Variants in CRYL1 observed in about 807,000 individuals in gnomAD.
The protein encoded by CRYL1 is crystallin lambda 1, also known as lambda-crystallin homolog.
A neutral mutation model predicts 36.6 loss-of-function variants in CRYL1; 29 were observed. The ratio of observed to expected loss-of-function variants is 0.79; its 90% CI spans 0.59 to 1.08. The LOEUF is 1.08. CRYL1 is among the 50% of genes least tolerant of loss of function. CRYL1 has a pLI of 0.00. For synonymous variants in CRYL1, 152 were observed against 151.5 expected, an observed-to-expected ratio of 1.00 and a Z score of -0.02; for missense variants, 411 against 407.9, an observed-to-expected ratio of 1.01 and a Z score of -0.06.
chr13:20,412,550 T>A (rs2031551314), intron 6 of CRYL1, among the ~76,000 whole-genome samples: 1 of 152,214 alleles, frequency 6.6e-6, no homozygotes, highest in Non-Finnish European at 1.5e-5. Flanking sequence ...TTATACATAG[T>A]TTTAAAATTT....
At chr13:20,408,950 A>G (rs1290580568) in intron 6 of CRYL1, among the ~76,000 whole-genome samples, 1 of 152,212 alleles carries the variant, frequency 6.6e-6, no homozygotes, top group Non-Finnish European at 1.5e-5. Context: ...ATTCAATGCC[A>G]TCCCCATCAA....
In CRYL1 at chr13:20,403,917, A is replaced by T. The variant is rs1371136019; in HGVS notation, c.*212T>A. ...TGGCAGGAAATCGACAGCCCCGAGA[A>T]CGCAAGTGCTGCTGTGCCGCCAGGC... On this transcript the variant is annotated 3_prime_UTR_variant, in exon 8 of 8. Coordinates refer to ENST00000298248, the MANE Select transcript of CRYL1 (RefSeq NM_015974.3). 3 of 398,150 alleles carry T rather than the reference A, an allele frequency of 7.5e-6. No individual in the cohort carries two copies. The highest frequency in any genetic ancestry group is 1.3e-5 in the Non-Finnish European group (3 of 223,978). 24.7% of individuals were successfully genotyped at this position (398,150 alleles called of 1,614,324 possible).
intron 3 of CRYL1, among the ~76,000 whole-genome samples, chr13:20,485,235 T>C (rs2033372509): frequency 6.6e-6 from 1 of 151,888 alleles, no homozygotes; most frequent in African/African-American, 2.4e-5. Context: ...CCCAAGCTGG[T>C]CTTGAACTAC....
At chr13:20,456,656 A>AC (rs2032696462) in intron 3 of CRYL1, among the ~76,000 whole-genome samples, 1 of 142,814 alleles carries the variant, frequency 7.0e-6, no homozygotes, top group Non-Finnish European at 1.5e-5. Flanking sequence ...CGATTCTTAA[A>AC]ACACACACAC....
intron 5 of CRYL1, among the ~76,000 whole-genome samples, chr13:20,418,143 G>A (rs1375979884): frequency 1.3e-5 from 2 of 152,142 alleles, no homozygotes; most frequent in African/African-American, 4.8e-5. Flanking sequence ...AGCCCACCCA[G>A]ACTATGGAGA....
intron 5 of CRYL1, among the ~76,000 whole-genome samples, chr13:20,414,412 A>G (rs116433801): frequency 0.013 from 1,962 of 152,038 alleles, 37 homozygotes; most frequent in African/African-American, 0.044. Context: ...GAGTGAGAGA[A>G]GCTGACGACA....
At chr13:20,512,663 C>T (rs1352671788) in intron 1 of CRYL1, 113 bp from the exon 2 acceptor site, 9 of 677,110 alleles carry the variant, frequency 1.3e-5, no homozygotes, top group Non-Finnish European at 2.2e-5. Context: ...TTAAAATATT[C>T]AATACATATC....
chr13:20,447,787 A>T (rs1045196080), intron 3 of CRYL1, among the ~76,000 whole-genome samples: 2 of 152,200 alleles, frequency 1.3e-5, no homozygotes, highest in Non-Finnish European at 2.9e-5. Context: ...CAAACCTTAT[A>T]CCTTGCTCAA....
chr13:20,463,186 C>A (rs1305528905), intron 3 of CRYL1, among the ~76,000 whole-genome samples: 1 of 152,122 alleles, frequency 6.6e-6, no homozygotes, highest in Non-Finnish European at 1.5e-5. Context: ...CACCAAAGGC[C>A]TTTTAGAAAA....
rs1475846512 is a variant in CRYL1, at chr13:20,425,209, C to T, written c.633+6893G>A. Among the ~76,000 whole-genome samples the T allele has an allele frequency of 6.6e-6, 1 of 152,208 alleles. No homozygotes were observed. Among genetic ancestry groups the T allele is most frequent in the Non-Finnish European group, 1.5e-5 (1 of 68,038 alleles). On this transcript the variant is annotated intron_variant, in intron 5 of 7. Transcript: ENST00000298248. This position sits in a 1 kb window ranked among gnomAD's most constrained non-coding sequence, Gnocchi z 4.4. Reference sequence around the variant, plus strand: ...GGACCCCGTCTCCTGTTGGCGGTGGCTCCGCACAGGCTTCCTCTTGTCAAG... The same window carrying T: ...GGACCCCGTCTCCTGTTGGCGGTGGTTCCGCACAGGCTTCCTCTTGTCAAG...
chr13:20,501,370 G>A (rs948252660), intron 2 of CRYL1, among the ~76,000 whole-genome samples: 4 of 152,130 alleles, frequency 2.6e-5, no homozygotes, highest in Non-Finnish European at 5.9e-5. Context: ...GAGCCACACT[G>A]GACCCCTCTG....
chr13:20,436,633 C>T (rs1162981210), intron 4 of CRYL1, among the ~76,000 whole-genome samples: 1 of 152,176 alleles, frequency 6.6e-6, no homozygotes, highest in Non-Finnish European at 1.5e-5. Context: ...TAAAACCCAG[C>T]CTGAACTCCT....
intron 3 of CRYL1, among the ~76,000 whole-genome samples, chr13:20,470,915 AAAAAAAAAAAAC>A (rs1361967088): frequency 3.3e-5 from 5 of 150,364 alleles, no homozygotes; most frequent in East Asian, 1.9e-4. Flanking sequence ...CATCTCAAAA[AAAAAAAAAAAAC>A]AAAAAAAAAA....
chr13:20,434,079 C>T (rs1015155919), intron 4 of CRYL1, among the ~76,000 whole-genome samples: 3 of 152,200 alleles, frequency 2.0e-5, no homozygotes, highest in African/African-American at 7.2e-5. Flanking sequence ...GTGGGTTATC[C>T]CCATGGTCCC....
intron 3 of CRYL1, among the ~76,000 whole-genome samples, chr13:20,485,450 G>A (rs760044698): frequency 6.6e-6 from 1 of 152,140 alleles, no homozygotes; most frequent in South Asian, 2.1e-4. Flanking sequence ...ATCACTTGAG[G>A]TCAGGAGTTA....
chr13:20,456,642 A>C (rs1363943453), intron 3 of CRYL1, among the ~76,000 whole-genome samples: 1 of 131,536 alleles, frequency 7.6e-6, no homozygotes. Flanking sequence ...ACACACAAAG[A>C]CCACGATTCT....
chr13:20,515,062 A>C (rs1163581312), intron 1 of CRYL1, among the ~76,000 whole-genome samples: 1 of 152,214 alleles, frequency 6.6e-6, no homozygotes, highest in African/African-American at 2.4e-5. Flanking sequence ...TGTTGACAAC[A>C]TTATGCTAAG....
intron 2 of CRYL1, among the ~76,000 whole-genome samples, chr13:20,501,025 T>C (rs2033693818): frequency 6.6e-6 from 1 of 152,146 alleles, no homozygotes; most frequent in Admixed American, 6.5e-5. Context: ...CCCTAGTTCC[T>C]GTTTTCCTAC....
At chr13:20,461,922 G>A (rs1297424356) in intron 3 of CRYL1, among the ~76,000 whole-genome samples, 1 of 140,772 alleles carries the variant, frequency 7.1e-6, no homozygotes, top group Non-Finnish European at 1.5e-5. Flanking sequence ...AGGGTGGGAG[G>A]AGGACAACCT....
Sources: gnomAD v4.1 joint callset for allele counts (sites outside exome capture counted in the v4.1 genomes callset) on GRCh38, gnomAD v4.1.1 for gene constraint, Gnocchi (gnomAD v3.1) non-coding constraint, MANE v1.5 for transcripts, NCBI Gene and HGNC (gene_info 2026-07-23, HGNC 2026-07-21) for gene names.